The following CSMD1 variants were observed in gnomAD, a reference collection of about 807,000 sequenced individuals.
The protein encoded by CSMD1 is CUB and sushi domain-containing protein 1.
A neutral mutation model predicts 417.5 loss-of-function variants in CSMD1; 213 were observed. That is an observed-to-expected ratio of 0.51 (90% CI 0.46 to 0.57). CSMD1 has a LOEUF of 0.57. Ranked by LOEUF, CSMD1 falls within the 20% of genes least tolerant of loss-of-function variation. The pLI is 0.00. For synonymous variants in CSMD1, 2,862 were observed against 1,736.8 expected (o/e 1.65, Z -16.11); for missense variants, 6,923 against 4,529.7 (o/e 1.53, Z -15.17).
chr8:4,253,955 T>G (rs1344813984), intron 3 of CSMD1, among the ~76,000 whole-genome samples: 5 of 125,608 alleles, frequency 4.0e-5, no homozygotes, highest in African/African-American at 1.5e-4. Flanking sequence ...CTTGCTCTAG[T>G]GCCCAGGCTG....
intron 49 of CSMD1, among the ~76,000 whole-genome samples, chr8:3,082,369 C>T (rs1814166363): frequency 6.6e-6 from 1 of 152,304 alleles, no homozygotes; most frequent in Middle Eastern, 3.4e-3. Context: ...TGGGCTGCTC[C>T]TGCCAGCTTC....
rs116603474 is a variant in CSMD1 at position 3,173,450 on chromosome 8, T to C, written c.5725+7660A>G. 4.4e-3 allele frequency among the ~76,000 whole-genome samples: 676 copies of C among 152,286 alleles called. 5 individuals carry two copies. Among genetic ancestry groups the C allele is most frequent in the African/African-American group, 0.014 (582 of 41,544 alleles). On this transcript the variant is annotated intron_variant, in intron 37 of 69. Coordinates refer to ENST00000635120, the MANE Select transcript of CSMD1 (RefSeq NM_033225.6). Reference sequence around the variant, plus strand: ...TTGATATTAATGAAAGCAATTTTAATAGGACGCAGGAATGCATTGTTTGTG... The same window carrying C: ...TTGATATTAATGAAAGCAATTTTAACAGGACGCAGGAATGCATTGTTTGTG...
At chr8:4,193,946 T>A (rs1465805121) in intron 3 of CSMD1, among the ~76,000 whole-genome samples, 1 of 152,014 alleles carries the variant, frequency 6.6e-6, no homozygotes, top group Non-Finnish European at 1.5e-5. Context: ...GAGGTGGGGC[T>A]GCAGGTAATT....
At chr8:3,994,829 C>A (rs1329215016) in intron 5 of CSMD1, among the ~76,000 whole-genome samples, 4 of 152,138 alleles carry the variant, frequency 2.6e-5, no homozygotes, top group Admixed American at 2.6e-4. Flanking sequence ...TAAGGCTAAT[C>A]CTATTATTGT....
rs922865304 is a variant in CSMD1, at chr8:3,894,988, C to G, written c.818+102915G>C. Among the ~76,000 whole-genome samples, 12 of 152,212 alleles carry G rather than the reference C, an allele frequency of 7.9e-5. No homozygotes were observed. The South Asian group carries it at 2.5e-3, about 32-fold the overall frequency. On this transcript the variant is annotated intron_variant, in intron 5 of 69. Coordinates refer to ENST00000635120, the MANE Select transcript of CSMD1 (RefSeq NM_033225.6). ...ATTAGAAGAGTCAATCATGAATCTC[C>G]CATTTGGTATGAAAGCAGCTTAGTG...
intron 12 of CSMD1, among the ~76,000 whole-genome samples, chr8:3,449,478 T>C (rs1470138436): frequency 6.6e-6 from 1 of 152,092 alleles, no homozygotes; most frequent in Non-Finnish European, 1.5e-5. Context: ...CTATATTTTC[T>C]CTGTGGTGAA....
rs1802885983 is a variant in CSMD1 at position 4,637,381 on chromosome 8, AC to A, written c.262del (p.Val88PhefsTer11). ...ALEEDFDILS[V>X]YDGQPQQGNL... The stretch of plus-strand genomic sequence containing the variant: ...CCCTTGTTGAGGCTGTCCATCGTAA[AC>A]TGATAAAATATCAAAATCTTCTTCA... On this transcript the variant is annotated frameshift_variant, in exon 2 of 70. Transcript: ENST00000635120. LOFTEE classifies it high-confidence loss of function. The A allele has an allele frequency of 1.2e-6, 2 of 1,613,870 alleles. No homozygotes were observed.
chr8:3,914,859 C>A (rs1399765938), intron 5 of CSMD1, among the ~76,000 whole-genome samples: 1 of 152,140 alleles, frequency 6.6e-6, no homozygotes, highest in Non-Finnish European at 1.5e-5. Flanking sequence ...CCAAGGCACA[C>A]ATCATACAGT....
intron 3 of CSMD1, among the ~76,000 whole-genome samples, chr8:4,220,423 G>A (rs370786811): frequency 1.4e-4 from 21 of 152,148 alleles, no homozygotes; most frequent in Non-Finnish European, 2.6e-4. Flanking sequence ...AGTATGCGAC[G>A]TCCATGGGAT....
At chr8:3,089,823 G>C (rs1369011010) in intron 48 of CSMD1, among the ~76,000 whole-genome samples, 2 of 151,964 alleles carry the variant, frequency 1.3e-5, no homozygotes. Flanking sequence ...TTAACAATGA[G>C]GCTCTCCTTG....
chr8:3,983,378 T>C (rs578201902), intron 5 of CSMD1, among the ~76,000 whole-genome samples: 1 of 151,940 alleles, frequency 6.6e-6, no homozygotes, highest in Non-Finnish European at 1.5e-5. Flanking sequence ...GATCCCTCTT[T>C]CTTGCCCTCC....
chr8:3,596,951 C>T (rs568259075), intron 8 of CSMD1, among the ~76,000 whole-genome samples: 2 of 152,182 alleles, frequency 1.3e-5, no homozygotes, highest in East Asian at 3.9e-4. Flanking sequence ...TAGCAGCACA[C>T]TTCTGCCTGC....
At chr8:3,951,773 C>T (rs1373488178) in intron 5 of CSMD1, among the ~76,000 whole-genome samples, 1 of 151,944 alleles carries the variant, frequency 6.6e-6, no homozygotes, top group Non-Finnish European at 1.5e-5. Context: ...ATGAGGGTGA[C>T]CTGTGCTGAG....
intron 1 of CSMD1, among the ~76,000 whole-genome samples, chr8:4,750,992 T>A (rs1811289588): frequency 6.6e-6 from 1 of 152,190 alleles, no homozygotes; most frequent in African/African-American, 2.4e-5. Context: ...TTAACCTGGA[T>A]TGTCAGACCC....
chr8:3,902,545 C>A (rs1160692151), intron 5 of CSMD1, among the ~76,000 whole-genome samples: 1 of 152,084 alleles, frequency 6.6e-6, no homozygotes, highest in Non-Finnish European at 1.5e-5. Flanking sequence ...AAGGAGCTCA[C>A]AACCTACATC....
At chr8:3,555,995 C>T (rs116972014) in intron 10 of CSMD1, among the ~76,000 whole-genome samples, 1,890 of 152,220 alleles carry the variant, frequency 0.012, 17 homozygotes, top group East Asian at 0.06. Context: ...CTGGTGATTT[C>T]AATCCCATTC....
intron 36 of CSMD1, among the ~76,000 whole-genome samples, chr8:3,184,098 T>C (rs1373385556): frequency 6.6e-6 from 1 of 152,212 alleles, no homozygotes; most frequent in East Asian, 1.9e-4. Context: ...ATCTGACTGC[T>C]GCTTGCTTTT....
chr8:3,870,124 A>C (rs1023438638), intron 5 of CSMD1, among the ~76,000 whole-genome samples: 3 of 152,198 alleles, frequency 2.0e-5, no homozygotes, highest in Admixed American at 1.3e-4. Flanking sequence ...AAACAGGTAG[A>C]ATAAAAACAG....
chr8:4,151,646 G>T (rs892277296), intron 3 of CSMD1, among the ~76,000 whole-genome samples: 2 of 152,014 alleles, frequency 1.3e-5, no homozygotes, highest in African/African-American at 2.4e-5. Flanking sequence ...AGAATCTGTG[G>T]CATCATTATT....
Sources: allele counts gnomAD v4.1 joint callset (sites outside exome capture counted in the v4.1 genomes callset), GRCh38; gene constraint gnomAD v4.1.1; transcripts MANE v1.5; gene names NCBI Gene and HGNC (gene_info 2026-07-23, HGNC 2026-07-21).